MAMDC2: variants seen among roughly 807,000 people sequenced by gnomAD.
MAMDC2 encodes MAM domain-containing protein 2.
In MAMDC2, 57 loss-of-function variants were observed where a neutral mutation model predicts 89.8. The ratio of observed to expected loss-of-function variants is 0.63; its 90% CI spans 0.51 to 0.79. The LOEUF (loss-of-function observed/expected upper bound fraction) is 0.79, where lower values mean the gene tolerates loss of function less well. MAMDC2 is among the 30% of genes least tolerant of loss of function. The pLI, the probability that MAMDC2 is intolerant of heterozygous loss-of-function variation, is 0.00. For synonymous variants in MAMDC2, 313 were observed against 293.4 expected (o/e 1.07, Z -0.68); for missense variants, 800 against 820.6 (o/e 0.97, Z 0.31).
At chr9:70,204,040 CCTT>C (rs1394939085) in intron 11 of MAMDC2, among the ~76,000 whole-genome samples, 1 of 151,214 alleles carries the variant, frequency 6.6e-6, no homozygotes, top group Non-Finnish European at 1.5e-5. Context: ...TCGTCTGAAG[CCTT>C]CTTCTCTCAG....
chr9:70,142,499 T>C (rs1484451567), intron 8 of MAMDC2, among the ~76,000 whole-genome samples: 1 of 152,208 alleles, frequency 6.6e-6, no homozygotes, highest in African/African-American at 2.4e-5. Flanking sequence ...GGCTGTTGTA[T>C]GGCCATCCAT....
chr9:70,194,730 T>C (rs1311233868), intron 11 of MAMDC2, among the ~76,000 whole-genome samples: 2 of 152,180 alleles, frequency 1.3e-5, no homozygotes, highest in African/African-American at 4.8e-5. Flanking sequence ...GTATTATTAT[T>C]TTTACAATTA....
At chr9:70,118,693 C>A (rs995621071) in intron 5 of MAMDC2, among the ~76,000 whole-genome samples, 1 of 152,096 alleles carries the variant, frequency 6.6e-6, no homozygotes, top group African/African-American at 2.4e-5. Context: ...ATATACCGGA[C>A]GCAGCTTTTG....
chr9:70,044,273 G>C, intron 1 of MAMDC2, 42 bp downstream of exon 1: 1 of 1,600,010 alleles, frequency 6.2e-7, no homozygotes, highest in Non-Finnish European at 8.5e-7. Flanking sequence ...GCGCTCTGAC[G>C]ACTCGCCCCC....
chr9:70,077,873 G>A (rs1396819443), intron 2 of MAMDC2, among the ~76,000 whole-genome samples: 5 of 152,088 alleles, frequency 3.3e-5, no homozygotes, highest in African/African-American at 9.7e-5. Context: ...AGGCAAGCTA[G>A]TATGAAAGCC....
intron 4 of MAMDC2, 150 bp from the exon 5 acceptor site, chr9:70,112,845 G>T: frequency 1.1e-6 from 1 of 881,812 alleles, no homozygotes; most frequent in Non-Finnish European, 1.8e-6. Flanking sequence ...TCTCTTCTTG[G>T]CCAAAATTGT....
At position 70,044,244 on chromosome 9, in the gene MAMDC2, C is replaced by G; in HGVS notation, c.34+13C>G. On this transcript the variant is annotated intron_variant, in intron 1 of 13. Transcript: ENST00000377182. ...CTGGCGTTGCAAGGTAAGGCCTGGACCCCGGGACAACCCCGGGGGCGCTCT... is the reference window on the plus strand; with the variant it reads ...CTGGCGTTGCAAGGTAAGGCCTGGAGCCCGGGACAACCCCGGGGGCGCTCT... 6.2e-7 allele frequency: 1 copy of G among 1,612,100 alleles called. No homozygotes were observed. The highest frequency in any genetic ancestry group is 1.1e-5 in the South Asian group (1 of 91,082).
intron 7 of MAMDC2, among the ~76,000 whole-genome samples, chr9:70,137,130 A>G (rs1299091332): frequency 6.6e-6 from 1 of 151,854 alleles, no homozygotes; most frequent in Non-Finnish European, 1.5e-5. Flanking sequence ...TTTTTTTGTA[A>G]TGTGTTGTTA....
intron 2 of MAMDC2, among the ~76,000 whole-genome samples, chr9:70,049,275 TCTGATACC>T (rs1444920206): frequency 1.3e-5 from 2 of 152,178 alleles, no homozygotes; most frequent in Admixed American, 1.3e-4. Context: ...TGTTTGTCTC[TCTGATACC>T]CTTTCCTTCA....
intron 2 of MAMDC2, among the ~76,000 whole-genome samples, chr9:70,064,026 A>AT (rs1236370950): frequency 1.3e-5 from 2 of 152,062 alleles, no homozygotes; most frequent in Non-Finnish European, 2.9e-5. Flanking sequence ...AGCATTCTTT[A>AT]TTTTTTTAAA....
At chr9:70,177,323 G>A (rs2032530046) in intron 11 of MAMDC2, among the ~76,000 whole-genome samples, 2 of 152,198 alleles carry the variant, frequency 1.3e-5, no homozygotes, top group African/African-American at 4.8e-5. Flanking sequence ...GGCAGAGAGT[G>A]TAGACAGCAT....
chr9:70,167,303 C>T (rs1355205184), intron 9 of MAMDC2, among the ~76,000 whole-genome samples: 1 of 152,186 alleles, frequency 6.6e-6, no homozygotes, highest in Non-Finnish European at 1.5e-5. Context: ...TGGATTAAGA[C>T]ATTTTATATT....
intron 2 of MAMDC2, among the ~76,000 whole-genome samples, chr9:70,051,236 T>G (rs868650906): frequency 6.6e-5 from 10 of 152,318 alleles, no homozygotes; most frequent in African/African-American, 2.2e-4. Flanking sequence ...AAGCTGTGTC[T>G]GGGCAGCCTC....
intron 11 of MAMDC2, among the ~76,000 whole-genome samples, chr9:70,212,647 G>T (rs1455234969): frequency 6.6e-6 from 1 of 152,078 alleles, no homozygotes; most frequent in Non-Finnish European, 1.5e-5. Flanking sequence ...ATAAGCCCCA[G>T]TGAGATGAAC....
At position 70,170,518 on chromosome 9, in the gene MAMDC2, A is replaced by T. The variant is rs2032308085; in HGVS notation, c.1538A>T (p.Gln513Leu). The change falls in exon 11 of 14, where the codon CAA becomes CTA. Residue 513 changes from glutamine to leucine, a missense_variant. By Grantham distance (113) the Gln-to-Leu change is moderately radical. Transcript: ENST00000377182. ...PPPPGECTFEQDECTFTQEKR... is the reference protein window; with the variant it reads ...PPPPGECTFELDECTFTQEKR... ...CCACCTGGAGAGTGTACTTTCGAGC[A>T]AGATGAATGTACATTTACTCAGGAG... 1.9e-6 allele frequency: 3 copies of T among 1,612,570 alleles called. No homozygotes were observed. The highest frequency in any genetic ancestry group is 2.2e-5 in the South Asian group (2 of 90,800).
At chr9:70,156,232 C>T (rs1285953541) in intron 9 of MAMDC2, among the ~76,000 whole-genome samples, 2 of 152,194 alleles carry the variant, frequency 1.3e-5, no homozygotes, top group East Asian at 3.9e-4. Flanking sequence ...TTCAAATTTC[C>T]ACTTTTAAAA....
intron 10 of MAMDC2, 42 bp downstream of exon 10, chr9:70,168,837 T>C: frequency 6.9e-7 from 1 of 1,451,632 alleles, no homozygotes; most frequent in Non-Finnish European, 9.7e-7. Flanking sequence ...CTCTGACCTA[T>C]ACATACATTT....
intron 2 of MAMDC2, among the ~76,000 whole-genome samples, chr9:70,085,579 A>C (rs1393874009): frequency 6.6e-6 from 1 of 151,820 alleles, no homozygotes; most frequent in Non-Finnish European, 1.5e-5. Context: ...CCCAGTTTGG[A>C]TTTGACCAGA....
At chr9:70,086,854 G>C (rs930299969) in intron 2 of MAMDC2, 4 of 152,072 alleles carry the variant, frequency 2.6e-5, no homozygotes, top group African/African-American at 9.7e-5. Context: ...TTAACAGTGA[G>C]ACCCATTCTA....
Sources: allele counts gnomAD v4.1 joint callset (sites outside exome capture counted in the v4.1 genomes callset), GRCh38; gene constraint gnomAD v4.1.1; transcripts MANE v1.5; gene names NCBI Gene and HGNC (gene_info 2026-07-23, HGNC 2026-07-21).